Variants in TERB2 observed in about 807,000 individuals in gnomAD.
The protein encoded by TERB2 is telomere repeat binding bouquet formation protein 2.
In TERB2, 26 loss-of-function variants were observed where a neutral mutation model predicts 29.8. That is an observed-to-expected ratio of 0.87 (90% confidence interval 0.64 to 1.21). The LOEUF (loss-of-function observed/expected upper bound fraction) is 1.21, where lower values mean the gene tolerates loss of function less well. Ranked by LOEUF, TERB2 falls within the 50% of genes most tolerant of loss-of-function variation. The pLI, the probability that TERB2 is intolerant of heterozygous loss-of-function variation, is 0.00. For missense variants in TERB2, 240 were observed against 268.6 expected, an observed-to-expected ratio of 0.89 and a Z score of 0.74; for synonymous variants, 80 against 90.8, an observed-to-expected ratio of 0.88 and a Z score of 0.68.
At chr15:44,958,820 G>A (rs778973467) in intron 3 of TERB2, among the ~76,000 whole-genome samples, 9 of 152,146 alleles carry the variant, frequency 5.9e-5, no homozygotes, top group African/African-American at 1.2e-4. Context: ...CACAGGCTAC[G>A]ATCTAATGCT....
At chr15:44,969,535 TC>T (rs1182169438) in intron 5 of TERB2, among the ~76,000 whole-genome samples, 1 of 151,712 alleles carries the variant, frequency 6.6e-6, no homozygotes, top group African/African-American at 2.4e-5. Context: ...ACACCTGTCA[TC>T]CCAGCACTTT....
intron 4 of TERB2, among the ~76,000 whole-genome samples, 161 bp downstream of exon 4, chr15:44,961,745 G>C (rs1388519122): frequency 6.6e-6 from 1 of 152,204 alleles, no homozygotes; most frequent in African/African-American, 2.4e-5. Context: ...TGTCTCCCAG[G>C]CTGGAGTGTA....
chr15:44,959,872 AAAAC>A (rs2141238719), intron 3 of TERB2, among the ~76,000 whole-genome samples: 1 of 152,364 alleles, frequency 6.6e-6, no homozygotes, highest in South Asian at 2.1e-4. Context: ...TATTAAAAAG[AAAAC>A]AAACAACTTA....
At chr15:44,966,394 T>G in intron 5 of TERB2, 151 bp downstream of exon 5, 1 of 440,344 alleles carries the variant, frequency 2.3e-6, no homozygotes, top group South Asian at 7.4e-5. Context: ...GATCTATGAT[T>G]AGAAAGATAA....
Position 44,978,888 on chromosome 15 carries a change from A to C in TERB2, c.*260A>C. The C allele has an allele frequency of 4.1e-6, 1 of 242,588 alleles. No individual in the cohort carries two copies. Among genetic ancestry groups the C allele is most frequent in the Middle Eastern group, 1.5e-3 (1 of 662 alleles). The allele number at this position is 242,588 out of a possible 1,614,324, so 15.0% of individuals were successfully genotyped here. A position where few individuals can be genotyped will look rare whatever the true frequency, so the allele number is the denominator to read the frequency against. The stretch of plus-strand genomic sequence containing the variant: ...AATTGCCGTTAAAATATATTTCATA[A>C]GAAGTCTCAATCTCAAACTCTCCAT... On this transcript the variant is annotated 3_prime_UTR_variant, in exon 7 of 7. Transcript: ENST00000340827.
Position 44,956,722 on chromosome 15 carries a change from T to G in TERB2, c.4T>G (p.Phe2Val). The G allele has an allele frequency of 6.2e-7, 1 of 1,604,766 alleles. No individual in the cohort carries two copies. The highest frequency in any genetic ancestry group is 8.5e-7 in the Non-Finnish European group (1 of 1,176,200). Reference protein sequence around the residue: MFQGQRGWFCGS... With the variant: MVQGQRGWFCGS... ...TCTCCACAGGCTTGGCGACGCCATG[T>G]TTCAAGGGCAGCGCGGTTGGTTTTG... Residue 2 changes from phenylalanine (F) to valine (V), a missense_variant, in exon 1 of 7, where the codon TTT (phenylalanine) becomes GTT (valine). Physicochemically the swap from Phe to Val is conservative, Grantham distance 50. Transcript: ENST00000340827.
chr15:44,965,510 T>C (rs1386264487), intron 4 of TERB2, among the ~76,000 whole-genome samples: 1 of 144,302 alleles, frequency 6.9e-6, no homozygotes, highest in African/African-American at 2.5e-5. Context: ...ATTATATTTA[T>C]ATAGATATAT....
At chr15:44,971,951 T>C (rs962227987) in intron 5 of TERB2, among the ~76,000 whole-genome samples, 1 of 151,392 alleles carries the variant, frequency 6.6e-6, no homozygotes, top group Non-Finnish European at 1.5e-5. Flanking sequence ...GAGTAGAGTT[T>C]CTTTTGGGAG....
In TERB2 at chr15:44,956,981, C is replaced by A. The variant is rs1052912799; in HGVS notation, c.146+4C>A. ...CCTCGCACCCAGACACGCTGAGGTACTGAGGGCGACCTGGCAGTGCCTCTT... is the reference window on the plus strand; with the variant it reads ...CCTCGCACCCAGACACGCTGAGGTAATGAGGGCGACCTGGCAGTGCCTCTT... On this transcript the variant is annotated splice_donor_region_variant and intron_variant, in intron 2 of 6. Transcript: ENST00000340827. The A allele has an allele frequency of 2.5e-6, 4 of 1,612,008 alleles. No homozygotes were observed. Among genetic ancestry groups the A allele is most frequent in the Non-Finnish European group, 3.4e-6 (4 of 1,179,178 alleles).
At chr15:44,957,732 C>T (rs1891740998) in intron 2 of TERB2, among the ~76,000 whole-genome samples, 1 of 152,200 alleles carries the variant, frequency 6.6e-6, no homozygotes, top group South Asian at 2.1e-4. Flanking sequence ...GATCCCCCTT[C>T]GCATGGCTAT....
chr15:44,957,030 G>T, intron 2 of TERB2, 53 bp downstream of exon 2: 1 of 1,549,622 alleles, frequency 6.5e-7, no homozygotes, highest in Non-Finnish European at 8.8e-7. Context: ...CCGGGAGTTA[G>T]GGATGGAAGT....
In TERB2 at chr15:44,978,599, GC is replaced by G; in HGVS notation, c.635del (p.Ala212ValfsTer2). ...YHVQNEINMS[A>X]IKNKLKRK ...TGTTCAAAATGAAATTAATATGTCTGCTATAAAAAACAAATTGAAGAGGAAA... is the reference window on the plus strand; with the variant it reads ...TGTTCAAAATGAAATTAATATGTCTGTATAAAAAACAAATTGAAGAGGAAA... On this transcript the variant is annotated frameshift_variant, in exon 7 of 7. Transcript: ENST00000340827. LOFTEE classifies it high-confidence loss of function. The G allele has an allele frequency of 6.3e-7, 1 of 1,597,424 alleles. No individual in the cohort carries two copies. Among genetic ancestry groups the G allele is most frequent in the East Asian group, 2.2e-5 (1 of 44,636 alleles).
chr15:44,965,381 A>G (rs1481839086), intron 4 of TERB2, among the ~76,000 whole-genome samples: 1 of 146,476 alleles, frequency 6.8e-6, no homozygotes, highest in African/African-American at 2.5e-5. Context: ...AAGGAGAAAT[A>G]TAATTTGTTC....
chr15:44,978,299 G>A (rs1177282837), intron 6 of TERB2, among the ~76,000 whole-genome samples, 190 bp from the exon 7 acceptor site: 1 of 152,112 alleles, frequency 6.6e-6, no homozygotes, highest in Non-Finnish European at 1.5e-5. Context: ...TTGTGGGAGG[G>A]GAAGAGGAGG....
chr15:44,971,210 T>A (rs1891962336), intron 5 of TERB2: 1 of 152,462 alleles, frequency 6.6e-6, no homozygotes, highest in South Asian at 2.1e-4. Flanking sequence ...GAGTTTCCAT[T>A]CCCTAATGTT....
chr15:44,978,773 A>T lies in TERB2; in HGVS notation c.*145A>T. On this transcript the variant is annotated 3_prime_UTR_variant, in exon 7 of 7. Transcript: ENST00000340827. The stretch of plus-strand genomic sequence containing the variant: ...TTCTCAAAGTATATCTTTAGGAAAT[A>T]CAGAATCATTTTGGTTCTGTGTTTT... 1 of 1,122,650 alleles carries T rather than the reference A, an allele frequency of 8.9e-7. No homozygotes were observed. The highest frequency in any genetic ancestry group is 1.2e-6 in the Non-Finnish European group (1 of 862,428). The allele number at this position is 1,122,650 out of a possible 1,614,324, so 69.5% of individuals were successfully genotyped here. A position where few individuals can be genotyped will look rare whatever the true frequency, so the allele number is the denominator to read the frequency against.
intron 4 of TERB2, among the ~76,000 whole-genome samples, chr15:44,962,674 T>C (rs2141240145): frequency 6.6e-6 from 1 of 152,264 alleles, no homozygotes; most frequent in South Asian, 2.1e-4. Flanking sequence ...ACTGGAAAAA[T>C]AGCTGTTTTG....
At chr15:44,958,039 T>C (rs901274978) in intron 2 of TERB2, among the ~76,000 whole-genome samples, 9 of 152,214 alleles carry the variant, frequency 5.9e-5, no homozygotes, top group African/African-American at 1.4e-4. Flanking sequence ...TCAGGATTAA[T>C]TGATCCCTCT....
At chr15:44,965,733 G>A (rs886446806) in intron 4 of TERB2, among the ~76,000 whole-genome samples, 11 of 150,606 alleles carry the variant, frequency 7.3e-5, no homozygotes, top group African/African-American at 2.4e-4. Flanking sequence ...TTATATTTTT[G>A]ATTTGTAGCT....
Sources: allele counts gnomAD v4.1 joint callset (sites outside exome capture counted in the v4.1 genomes callset), GRCh38; gene constraint gnomAD v4.1.1; transcripts MANE v1.5; gene names NCBI Gene and HGNC (gene_info 2026-07-23, HGNC 2026-07-21).